SOX6: variants seen among roughly 807,000 people sequenced by gnomAD.
SOX6 encodes transcription factor SOX-6.
A neutral mutation model predicts 97.8 loss-of-function variants in SOX6; 11 were observed. The ratio of observed to expected loss-of-function variants is 0.11; its 90% confidence interval spans 0.07 to 0.19. SOX6 has a LOEUF of 0.19. SOX6 is among the 10% of genes least tolerant of loss of function. The probability of loss-of-function intolerance (pLI) is 1.00; values close to 1 mark genes in which losing one functional copy is unlikely to be tolerated. For synonymous variants in SOX6, 360 were observed against 371.4 expected (o/e 0.97, Z 0.35); for missense variants, 810 against 1,039.5 (o/e 0.78, Z 3.04).
chr11:16,635,715 G>C (rs909992519), intron 3 of SOX6, among the ~76,000 whole-genome samples: 1 of 152,142 alleles, frequency 6.6e-6, no homozygotes, highest in Non-Finnish European at 1.5e-5. Flanking sequence ...AGGGAAAAAT[G>C]GTTTCCTGGG....
chr11:16,001,761 T>C (rs934679346), intron 13 of SOX6, among the ~76,000 whole-genome samples: 9 of 152,200 alleles, frequency 5.9e-5, no homozygotes, highest in African/African-American at 2.2e-4. Flanking sequence ...ACTAAAATTA[T>C]AGCTGGGATG....
chr11:16,496,055 G>A (rs930140592), intron 4 of SOX6, among the ~76,000 whole-genome samples: 4 of 152,088 alleles, frequency 2.6e-5, no homozygotes, highest in Non-Finnish European at 4.4e-5. Flanking sequence ...TCTACTCAAC[G>A]AACCCCATAG....
At chr11:16,114,497 C>T (rs1031204051) in intron 6 of SOX6, among the ~76,000 whole-genome samples, 38 of 152,136 alleles carry the variant, frequency 2.5e-4, no homozygotes, top group Admixed American at 2.6e-4. Context: ...TTGTTAGATC[C>T]GTGTTCCTTT....
intron 1 of SOX6, among the ~76,000 whole-genome samples, chr11:16,448,608 T>A (rs1019989326): frequency 6.6e-6 from 1 of 152,206 alleles, no homozygotes; most frequent in African/African-American, 2.4e-5. Context: ...ATAGATATAA[T>A]GTAATTAAAC....
chr11:16,569,460 A>G (rs1847913139), intron 4 of SOX6, among the ~76,000 whole-genome samples: 1 of 152,338 alleles, frequency 6.6e-6, no homozygotes, highest in African/African-American at 2.4e-5. Context: ...CAGTTAGCAC[A>G]CAGTACGTAT....
chr11:16,463,665 T>A lies in SOX6; in HGVS notation c.-5+12650A>T, dbSNP rs963214615. Reference sequence around the variant, plus strand: ...CGACTGTCTATTCTCTCCCATTCTTTCCCCACCACAGAAACTTGGAAGTGT... The same window carrying A: ...CGACTGTCTATTCTCTCCCATTCTTACCCCACCACAGAAACTTGGAAGTGT... On this transcript the variant is annotated intron_variant, in intron 1 of 15. Coordinates refer to the SOX6 transcript ENST00000396356. 3.9e-5 allele frequency among the ~76,000 whole-genome samples: 6 copies of A among 152,294 alleles called. No individual in the cohort carries two copies. The South Asian group carries it at 1.0e-3, about 26-fold the overall frequency.
chr11:16,390,596 C>T (rs61883215), intron 1 of SOX6, among the ~76,000 whole-genome samples: 28,282 of 152,208 alleles, frequency 0.19, 3,011 homozygotes, highest in Admixed American at 0.31. Flanking sequence ...CCTCCACTGT[C>T]CTTTCCTTTG....
At position 16,173,603 on chromosome 11, in the gene SOX6, A is replaced by G. The variant is rs576109213; in HGVS notation, c.777+10283T>C. Among the ~76,000 whole-genome samples, 213 of 123,846 alleles carry G rather than the reference A, an allele frequency of 1.7e-3. 5 individuals are homozygous for G. In the East Asian group the frequency reaches 0.043, roughly 25 times the overall value. 81.2% of individuals were successfully genotyped at this position (123,846 alleles called of 152,430 possible). A position where few individuals can be genotyped will look rare whatever the true frequency, so the allele number is the denominator to read the frequency against. On this transcript the variant is annotated intron_variant, in intron 6 of 15. Coordinates refer to ENST00000683767, the MANE Select transcript of SOX6 (RefSeq NM_001367873.1). ...TGTTTTTTTTTTTTAAACTACTAGA[A>G]AAGTGTTTGTTTTTTTTAAAGAAAC...
intron 2 of SOX6, among the ~76,000 whole-genome samples, chr11:16,719,095 T>C (rs1040181592): frequency 6.6e-6 from 1 of 151,702 alleles, no homozygotes; most frequent in Non-Finnish European, 1.5e-5. Context: ...ACTGTAAAAT[T>C]ATAAGTCATA....
chr11:16,173,649 T>C (rs1220014545), intron 6 of SOX6, among the ~76,000 whole-genome samples: 1 of 150,682 alleles, frequency 6.6e-6, no homozygotes, highest in Non-Finnish European at 1.5e-5. Flanking sequence ...GAAAAACTAC[T>C]AGTAAATTTT....
At chr11:16,371,484 T>A (rs1016694170) in intron 1 of SOX6, among the ~76,000 whole-genome samples, 61 of 151,920 alleles carry the variant, frequency 4.0e-4, no homozygotes, top group African/African-American at 1.3e-3. Context: ...TAAAAAAAAA[T>A]AAATTGCCTG....
chr11:16,054,089 T>A (rs1326843228), intron 10 of SOX6, among the ~76,000 whole-genome samples: 2 of 152,156 alleles, frequency 1.3e-5, no homozygotes, highest in East Asian at 3.8e-4. Context: ...GTAATAAAAT[T>A]CAGCTGGCTC....
chr11:15,987,194 C>T (rs1438061187), intron 14 of SOX6, among the ~76,000 whole-genome samples: 2 of 152,048 alleles, frequency 1.3e-5, no homozygotes, highest in African/African-American at 4.8e-5. Context: ...TTTTGTGTCT[C>T]GCTGGTGAAT....
At chr11:16,441,512 C>G (rs1566771) in intron 1 of SOX6, among the ~76,000 whole-genome samples, 104,038 of 151,994 alleles carry the variant, frequency 0.68, 36,469 homozygotes, top group East Asian at 0.89. Context: ...CACCTCCCTG[C>G]AGCAATCCAA....
intron 12 of SOX6, among the ~76,000 whole-genome samples, chr11:16,019,684 G>A (rs1313265565): frequency 6.6e-6 from 1 of 151,766 alleles, no homozygotes; most frequent in African/African-American, 2.4e-5. Flanking sequence ...TTCTTTCTTA[G>A]GTAAATAAGG....
chr11:16,177,350 C>A (rs1851220265), intron 6 of SOX6, among the ~76,000 whole-genome samples: 2 of 152,020 alleles, frequency 1.3e-5, no homozygotes, highest in Admixed American at 6.6e-5. Flanking sequence ...AGTACTCTTT[C>A]AAGGGTTCCC....
intron 15 of SOX6, among the ~76,000 whole-genome samples, chr11:15,984,788 C>T (rs1333825434): frequency 6.6e-6 from 1 of 152,142 alleles, no homozygotes; most frequent in Non-Finnish European, 1.5e-5. Flanking sequence ...ATTCACTGAT[C>T]ATCTGGTGTG....
intron 3 of SOX6, chr11:16,252,255 A>G (rs1853536932): frequency 6.6e-6 from 1 of 152,244 alleles, no homozygotes; most frequent in Non-Finnish European, 1.5e-5. Context: ...TAAATAGCTG[A>G]ATAAACTGAA....
chr11:16,558,809 A>T (rs989479947), intron 4 of SOX6, among the ~76,000 whole-genome samples: 1 of 152,002 alleles, frequency 6.6e-6, no homozygotes, highest in Non-Finnish European at 1.5e-5. Context: ...GGGCCAATTT[A>T]AAAAAATAAG....
Sources: allele counts gnomAD v4.1 joint callset (sites outside exome capture counted in the v4.1 genomes callset), GRCh38; gene constraint gnomAD v4.1.1; transcripts MANE v1.5; gene names NCBI Gene and HGNC (gene_info 2026-07-23, HGNC 2026-07-21).